The following IGF1R variants were observed in gnomAD, a reference collection of about 807,000 sequenced individuals.
IGF1R encodes insulin-like growth factor 1 receptor.
A neutral mutation model predicts 144.6 loss-of-function variants in IGF1R; 44 were observed. The observed-to-expected ratio is 0.30, with a 90% CI of 0.24 to 0.39. IGF1R has a LOEUF of 0.39. Among genes scored for constraint, IGF1R ranks in the 10% least tolerant of loss-of-function variants. The pLI, the probability that IGF1R is intolerant of heterozygous loss-of-function variation, is 1.00. For synonymous variants in IGF1R, 795 were observed against 722.8 expected (o/e 1.10, Z -1.60); for missense variants, 1,355 against 1,833.7 (o/e 0.74, Z 4.77).
intron 13 of IGF1R, among the ~76,000 whole-genome samples, chr15:98,925,788 C>A (rs1199222858): frequency 6.6e-6 from 1 of 152,160 alleles, no homozygotes; most frequent in African/African-American, 2.4e-5. Context: ...CCTGTAATCC[C>A]AGCTACTTGG....
At chr15:98,706,253 G>C (rs2053859319) in intron 1 of IGF1R, among the ~76,000 whole-genome samples, 2 of 152,202 alleles carry the variant, frequency 1.3e-5, no homozygotes, top group African/African-American at 4.8e-5. Context: ...CATACATGTT[G>C]GGTGCTTCCC....
rs1398752572 is a variant in IGF1R, at chr15:98,891,596, G to A, written c.912G>A (p.Met304Ile). ...TTGTGATCCACGACGGCGAGTGCAT[G>A]CAGGAGTGCCCCTCGGGCTTCATCC... Reference protein sequence around the residue: ...EGFVIHDGECMQECPSGFIRN... With the variant: ...EGFVIHDGECIQECPSGFIRN... The change falls in exon 3 of 21, where the codon ATG (methionine) becomes ATA (isoleucine). Residue 304 changes from methionine to isoleucine, a missense_variant. Physicochemically the swap from Met to Ile is conservative, Grantham distance 10 (BLOSUM62 1). Coordinates refer to ENST00000650285, the MANE Select transcript of IGF1R (RefSeq NM_000875.5). The surrounding 1 kb of genome is among the most constrained non-coding windows in gnomAD (Gnocchi z 4.7). 6.2e-7 allele frequency: 1 copy of A among 1,603,756 alleles called. No homozygotes were observed. The highest frequency in any genetic ancestry group is 8.5e-7 in the Non-Finnish European group (1 of 1,179,984).
At chr15:98,668,261 C>T (rs1050950837) in intron 1 of IGF1R, among the ~76,000 whole-genome samples, 1 of 152,112 alleles carries the variant, frequency 6.6e-6, no homozygotes, top group Non-Finnish European at 1.5e-5. Flanking sequence ...CCTTCAGATA[C>T]CACTGAAGGT....
rs1161430236 is a variant in IGF1R at position 98,960,496 on chromosome 15, T to G, written c.*3054T>G. ...CATTTCGTCCTTAAGAGAGCAGTGG[T>G]TCCTCAGGTTCTGAGGAGAGGAAGG... On this transcript the variant is annotated 3_prime_UTR_variant, in exon 21 of 21. Transcript: ENST00000650285. 5 of 233,166 alleles carry G rather than the reference T, an allele frequency of 2.1e-5. No individual in the cohort carries two copies. Among genetic ancestry groups the G allele is most frequent in the African/African-American group, 2.2e-5 (1 of 45,348 alleles). The allele number at this position is 233,166 out of a possible 1,614,324, so 14.4% of individuals were successfully genotyped here.
rs552255625 is a variant in IGF1R, at chr15:98,847,197, G to A, written c.641-44128G>A. Among the ~76,000 whole-genome samples, 6 of 152,214 alleles carry A rather than the reference G, an allele frequency of 3.9e-5. No individual in the cohort carries two copies. In the South Asian group the frequency reaches 8.3e-4, roughly 21 times the overall value. The stretch of plus-strand genomic sequence containing the variant: ...TTACCATGTTGGCTAGGCTGGTCTC[G>A]AACTCCTGACCTCAAGTGATCCTTC... On this transcript the variant is annotated intron_variant, in intron 2 of 20. Coordinates refer to ENST00000650285, the MANE Select transcript of IGF1R (RefSeq NM_000875.5).
intron 20 of IGF1R, among the ~76,000 whole-genome samples, chr15:98,951,137 A>G (rs1383752666): frequency 6.6e-6 from 1 of 152,236 alleles, no homozygotes; most frequent in Non-Finnish European, 1.5e-5. Context: ...GAAGGATACC[A>G]GGGAAAGCCA....
At chr15:98,656,646 A>G (rs2052492713) in intron 1 of IGF1R, among the ~76,000 whole-genome samples, 1 of 152,178 alleles carries the variant, frequency 6.6e-6, no homozygotes, top group African/African-American at 2.4e-5. Flanking sequence ...GACTTTAGAA[A>G]GTAGTCTTGC....
intron 2 of IGF1R, among the ~76,000 whole-genome samples, chr15:98,787,986 G>A (rs771835920): frequency 6.6e-6 from 1 of 151,708 alleles, no homozygotes; most frequent in Non-Finnish European, 1.5e-5. Context: ...ACGCTTGATG[G>A]CAGATTTGCC....
rs1322058812 is a variant in IGF1R at position 98,858,310 on chromosome 15, T to C, written c.641-33015T>C. 1.3e-5 allele frequency among the ~76,000 whole-genome samples: 2 copies of C among 152,262 alleles called. 1 individual carries two copies. The highest frequency in any genetic ancestry group is 4.8e-5 in the African/African-American group (2 of 41,458). ...CCCCGCTTCGTTGTTTCCTCAGATA[T>C]GGAGAATAAAGCCTGGCTGGTCAGT... On this transcript the variant is annotated intron_variant, in intron 2 of 20. Transcript: ENST00000650285.
chr15:98,799,635 C>T (rs1231267919), intron 2 of IGF1R, among the ~76,000 whole-genome samples: 3 of 152,062 alleles, frequency 2.0e-5, no homozygotes, highest in Non-Finnish European at 4.4e-5. Context: ...GGGAGGCGGC[C>T]GGCATGGGGG....
intron 2 of IGF1R, among the ~76,000 whole-genome samples, chr15:98,882,605 C>T (rs939159171): frequency 6.6e-6 from 1 of 152,170 alleles, no homozygotes; most frequent in African/African-American, 2.4e-5. Context: ...CTTTGCATGC[C>T]ATAAAGCAGT....
At chr15:98,869,801 C>G (rs1054861292) in intron 2 of IGF1R, among the ~76,000 whole-genome samples, 7 of 152,196 alleles carry the variant, frequency 4.6e-5, no homozygotes, top group African/African-American at 1.7e-4. Flanking sequence ...CCTGCCTCCC[C>G]CCATTTTATA....
rs138219910 is a variant in IGF1R at position 98,740,816 on chromosome 15, C to T, written c.640+32709C>T. 4.2e-3 allele frequency among the ~76,000 whole-genome samples: 638 copies of T among 152,300 alleles called. 4 individuals carry two copies. The highest frequency in any genetic ancestry group is 0.014 in the African/African-American group (588 of 41,558). ...GGCTGGCTTAGGAAATGCTTCTCCCCATTCCTTGGCATCCCCACAACCCTA... is the reference window on the plus strand; with the variant it reads ...GGCTGGCTTAGGAAATGCTTCTCCCTATTCCTTGGCATCCCCACAACCCTA... On this transcript the variant is annotated intron_variant, in intron 2 of 20. Transcript: ENST00000650285.
intron 10 of IGF1R, 177 bp downstream of exon 10, chr15:98,917,053 T>G: frequency 2.9e-6 from 2 of 695,392 alleles, no homozygotes; most frequent in Non-Finnish European, 5.2e-6. Context: ...CGGAAGCCAG[T>G]CAGCCCTGAA....
chr15:98,900,748 G>A (rs1168901561), intron 5 of IGF1R: 2 of 151,948 alleles, frequency 1.3e-5, no homozygotes, highest in Admixed American at 1.3e-4. Flanking sequence ...GCAAGCTGAG[G>A]CCCTACCAGT....
intron 2 of IGF1R, among the ~76,000 whole-genome samples, chr15:98,816,035 C>A (rs1273985248): frequency 1.3e-5 from 2 of 152,236 alleles, no homozygotes; most frequent in Admixed American, 1.3e-4. Context: ...AGGTCCCTTT[C>A]TCCTTTGACA....
chr15:98,800,837 G>A (rs1306730966), intron 2 of IGF1R, among the ~76,000 whole-genome samples: 1 of 152,214 alleles, frequency 6.6e-6, no homozygotes, highest in Non-Finnish European at 1.5e-5. Flanking sequence ...AGAAGGGGGA[G>A]GAGAGGGCTT....
chr15:98,953,890 GCT>G (rs1243463993), intron 20 of IGF1R, among the ~76,000 whole-genome samples: 1 of 152,152 alleles, frequency 6.6e-6, no homozygotes, highest in Non-Finnish European at 1.5e-5. Flanking sequence ...CAGGAAGGGC[GCT>G]CCTGCTCAGT....
intron 2 of IGF1R, among the ~76,000 whole-genome samples, chr15:98,816,276 C>G (rs531463156): frequency 6.6e-6 from 1 of 152,338 alleles, no homozygotes; most frequent in East Asian, 1.9e-4. Flanking sequence ...AAGATCTGCC[C>G]AGTACCTTGT....
Sources: allele counts gnomAD v4.1 joint callset (sites outside exome capture counted in the v4.1 genomes callset), GRCh38; gene constraint gnomAD v4.1.1; non-coding constraint Gnocchi (gnomAD v3.1); transcripts MANE v1.5; gene names NCBI Gene and HGNC (gene_info 2026-07-23, HGNC 2026-07-21).